The following EPB41L5 variants were observed in gnomAD, a reference collection of about 807,000 sequenced individuals.
EPB41L5 encodes erythrocyte membrane protein band 4.1 like 5.
In EPB41L5, 55 loss-of-function variants were observed where a neutral mutation model predicts 106.6. The observed-to-expected ratio is 0.52, with a 90% CI of 0.42 to 0.65. The LOEUF (loss-of-function observed/expected upper bound fraction) is 0.65. Ranked by LOEUF, EPB41L5 falls within the 30% of genes least tolerant of loss-of-function variation. The pLI is 0.00. For synonymous variants in EPB41L5, 297 were observed against 306.7 expected, an observed-to-expected ratio of 0.97 and a Z score of 0.33; for missense variants, 871 against 882.1, an observed-to-expected ratio of 0.99 and a Z score of 0.16.
chr2:120,154,525 A>C lies in EPB41L5; in HGVS notation c.1794-6356A>C, dbSNP rs536746262. 7.2e-5 allele frequency among the ~76,000 whole-genome samples: 11 copies of C among 152,270 alleles called. No individual in the cohort carries two copies. In the South Asian group the frequency reaches 1.7e-3, roughly 23 times the overall value. The stretch of plus-strand genomic sequence containing the variant: ...TATTTTGGAATCAAATTAGCATCTT[A>C]TACAGCCTAGTTTGAATTAATACTA... On this transcript the variant is annotated intron_variant, in intron 20 of 24. Transcript: ENST00000263713.
intron 16 of EPB41L5, among the ~76,000 whole-genome samples, chr2:120,125,308 A>G (rs573912760): frequency 9.9e-5 from 15 of 152,272 alleles, no homozygotes; most frequent in Admixed American, 5.9e-4. Context: ...GCCCTGCCAA[A>G]CAGTGGAAAC....
At chr2:120,127,908 G>T in intron 17 of EPB41L5, 57 bp downstream of exon 17, 1 of 1,414,202 alleles carries the variant, frequency 7.1e-7, no homozygotes, top group Non-Finnish European at 9.5e-7. Context: ...TTTGAAATAA[G>T]ATATTTAAAT....
At chr2:120,120,761 A>G (rs1014503675) in intron 16 of EPB41L5, among the ~76,000 whole-genome samples, 3 of 152,196 alleles carry the variant, frequency 2.0e-5, no homozygotes. Context: ...AGTTTTGAAA[A>G]ACTGCAAGGG....
chr2:120,049,091 C>T (rs1680032760), intron 3 of EPB41L5, among the ~76,000 whole-genome samples: 2 of 152,226 alleles, frequency 1.3e-5, no homozygotes, highest in South Asian at 4.2e-4. Flanking sequence ...ACTATGTGGT[C>T]AGTTTTGGAG....
chr2:120,039,859 T>C (rs10202888), intron 2 of EPB41L5, among the ~76,000 whole-genome samples: 1,589 of 150,650 alleles, frequency 0.011, 25 homozygotes, highest in African/African-American at 0.037. Context: ...AAGAAAGTAA[T>C]TTTATGAATA....
chr2:120,161,735 A>G (rs1248974083), intron 21 of EPB41L5, among the ~76,000 whole-genome samples: 1 of 152,110 alleles, frequency 6.6e-6, no homozygotes, highest in Non-Finnish European at 1.5e-5. Flanking sequence ...GCAGACAACC[A>G]TTGTCGCCTG....
intron 3 of EPB41L5, among the ~76,000 whole-genome samples, chr2:120,061,633 T>C (rs1391403989): frequency 6.6e-6 from 1 of 152,112 alleles, no homozygotes; most frequent in African/African-American, 2.4e-5. Flanking sequence ...ATGACAGGCA[T>C]GAGCCACCAC....
Position 120,103,913 on chromosome 2 carries a change from T to C in EPB41L5, c.1337+3099T>C, listed in dbSNP as rs953984506. 3.5e-6 allele frequency: 3 copies of C among 850,090 alleles called. No homozygotes were observed. The African/African-American group carries it at 5.3e-5, about 15-fold the overall frequency. 52.7% of individuals were successfully genotyped at this position (850,090 alleles called of 1,614,324 possible). ...CCCACTTTGTTATTCTTGAATGTTATCATTGCATGGAGTAGATGCTGGTAA... is the reference window on the plus strand; with the variant it reads ...CCCACTTTGTTATTCTTGAATGTTACCATTGCATGGAGTAGATGCTGGTAA... On this transcript the variant is annotated intron_variant, in intron 16 of 24. Coordinates refer to ENST00000263713, the MANE Select transcript of EPB41L5 (RefSeq NM_020909.4).
intron 16 of EPB41L5, among the ~76,000 whole-genome samples, chr2:120,109,000 A>G (rs1684599446): frequency 6.6e-6 from 1 of 152,236 alleles, no homozygotes; most frequent in Admixed American, 6.5e-5. Flanking sequence ...CATTTGTTGC[A>G]GTGAAAGATT....
At position 120,160,865 on chromosome 2, in the gene EPB41L5, A is replaced by G; in HGVS notation, c.1794-16A>G. On this transcript the variant is annotated splice_polypyrimidine_tract_variant and intron_variant, in intron 20 of 24. Coordinates refer to ENST00000263713, the MANE Select transcript of EPB41L5 (RefSeq NM_020909.4). ...TACAGGTCCTACATGATGTGAATTT[A>G]TCTTTTTCTTCCTAGTGCTGTGTTA... The G allele has an allele frequency of 1.3e-6, 2 of 1,593,572 alleles. No individual in the cohort carries two copies. Among genetic ancestry groups the G allele is most frequent in the Non-Finnish European group, 1.7e-6 (2 of 1,161,504 alleles).
intron 21 of EPB41L5, among the ~76,000 whole-genome samples, chr2:120,162,323 T>C (rs1026904093): frequency 1.7e-4 from 26 of 152,378 alleles, no homozygotes; most frequent in South Asian, 1.0e-3. Flanking sequence ...ATGAATGTTT[T>C]AATTTGCAAG....
intron 20 of EPB41L5, among the ~76,000 whole-genome samples, chr2:120,146,605 C>T (rs748400790): frequency 4.6e-5 from 7 of 152,220 alleles, no homozygotes; most frequent in Non-Finnish European, 1.0e-4. Flanking sequence ...ACTTTCATGT[C>T]ATCCTGTTAT....
intron 3 of EPB41L5, among the ~76,000 whole-genome samples, chr2:120,069,578 C>G (rs1264283151): frequency 2.0e-5 from 3 of 152,144 alleles, no homozygotes; most frequent in African/African-American, 7.2e-5. Flanking sequence ...TAAAACACTC[C>G]TCAGCAAATG....
intron 10 of EPB41L5, among the ~76,000 whole-genome samples, chr2:120,080,068 G>C (rs1381057415): frequency 6.6e-6 from 1 of 150,572 alleles, no homozygotes; most frequent in South Asian, 2.1e-4. Context: ...AGAATTTTAG[G>C]TTGAAAATTA....
chr2:120,050,661 C>G lies in EPB41L5; in HGVS notation c.285+8551C>G, dbSNP rs770251673. On this transcript the variant is annotated intron_variant, in intron 3 of 24. Transcript: ENST00000263713. The stretch of plus-strand genomic sequence containing the variant: ...CTGAAGCCTACTTCTCGCAACTTGT[C>G]AAAGTCATTCTCCATCCAGCTTTGT... 3.3e-5 allele frequency among the ~76,000 whole-genome samples: 5 copies of G among 152,212 alleles called. No individual in the cohort carries two copies. The South Asian group carries it at 1.0e-3, about 31-fold the overall frequency.
At position 120,099,786 on chromosome 2, in the gene EPB41L5, A is replaced by G. The variant is rs187958495; in HGVS notation, c.1179-458A>G. 2.0e-5 allele frequency among the ~76,000 whole-genome samples: 3 copies of G among 152,296 alleles called. No individual in the cohort carries two copies. The East Asian group carries it at 5.8e-4, about 29-fold the overall frequency. On this transcript the variant is annotated intron_variant, in intron 14 of 24. Coordinates refer to ENST00000263713, the MANE Select transcript of EPB41L5 (RefSeq NM_020909.4). ...TTGGAGAGGAAGGTGTACACAGAGAAGTTTCAAACTTTCTAAACCTTTTAT... is the reference window on the plus strand; with the variant it reads ...TTGGAGAGGAAGGTGTACACAGAGAGGTTTCAAACTTTCTAAACCTTTTAT...
chr2:120,045,228 C>G (rs373989282), intron 3 of EPB41L5, among the ~76,000 whole-genome samples: 1 of 152,124 alleles, frequency 6.6e-6, no homozygotes, highest in African/African-American at 2.4e-5. Context: ...ATGGAGATAA[C>G]CAAAATTAGT....
At chr2:120,124,172 C>T (rs796630419) in intron 16 of EPB41L5, among the ~76,000 whole-genome samples, 4 of 152,310 alleles carry the variant, frequency 2.6e-5, no homozygotes, top group African/African-American at 9.6e-5. Flanking sequence ...CCAACACAGG[C>T]AATATACTTC....
At chr2:120,021,722 A>G (rs1677946092) in intron 2 of EPB41L5, among the ~76,000 whole-genome samples, 1 of 152,258 alleles carries the variant, frequency 6.6e-6, no homozygotes, top group Non-Finnish European at 1.5e-5. Flanking sequence ...GCATGGATAT[A>G]AAGTGGTCAT....
Sources: gnomAD v4.1 joint callset for allele counts (sites outside exome capture counted in the v4.1 genomes callset) on GRCh38, gnomAD v4.1.1 for gene constraint, MANE v1.5 for transcripts, NCBI Gene and HGNC (gene_info 2026-07-23, HGNC 2026-07-21) for gene names.